The following DENND5B variants were observed in gnomAD, a reference collection of about 807,000 sequenced individuals.
DENND5B encodes DENN domain-containing protein 5B.
DENND5B carries 34 observed loss-of-function variants against 140.6 expected under a neutral mutation model. The observed-to-expected ratio is 0.24, with a 90% confidence interval of 0.18 to 0.32. The LOEUF (loss-of-function observed/expected upper bound fraction) is 0.32, where lower values mean the gene tolerates loss of function less well. Among genes scored for constraint, DENND5B ranks in the 10% least tolerant of loss-of-function variants. DENND5B has a pLI of 1.00. For synonymous variants in DENND5B, 551 were observed against 562.1 expected (o/e 0.98, Z 0.28); for missense variants, 1,142 against 1,560.2 (o/e 0.73, Z 4.52).
At chr12:31,404,422 C>T (rs1798057223) in intron 14 of DENND5B, among the ~76,000 whole-genome samples, 1 of 152,102 alleles carries the variant, frequency 6.6e-6, no homozygotes, top group African/African-American at 2.4e-5. Context: ...TCAGCCTCCC[C>T]AGCAGTTGGG....
At chr12:31,528,181 A>G (rs1057004188) in intron 1 of DENND5B, among the ~76,000 whole-genome samples, 1 of 152,252 alleles carries the variant, frequency 6.6e-6, no homozygotes, top group African/African-American at 2.4e-5. Flanking sequence ...TCTGAAATCA[A>G]GGTGTCAGCA....
chr12:31,428,746 T>C (rs976181069), intron 8 of DENND5B, among the ~76,000 whole-genome samples: 2 of 152,108 alleles, frequency 1.3e-5, no homozygotes, highest in African/African-American at 4.8e-5. Flanking sequence ...ATTTATTTAT[T>C]TTTGAGACGG....
chr12:31,400,401 C>G (rs771396602), intron 15 of DENND5B, among the ~76,000 whole-genome samples: 4 of 152,180 alleles, frequency 2.6e-5, no homozygotes, highest in Non-Finnish European at 5.9e-5. Context: ...GTTATCTTCA[C>G]TGGTCCTTTG....
At chr12:31,494,256 A>G (rs971811948) in intron 2 of DENND5B, among the ~76,000 whole-genome samples, 3 of 146,848 alleles carry the variant, frequency 2.0e-5, no homozygotes, top group African/African-American at 7.7e-5. Context: ...CTACCTACCT[A>G]TTTTGAGACA....
chr12:31,549,481 G>T (rs150939399), intron 1 of DENND5B, among the ~76,000 whole-genome samples: 4 of 147,022 alleles, frequency 2.7e-5, no homozygotes, highest in Middle Eastern at 3.5e-3. Context: ...TACTTTCTTG[G>T]GTCCTATGGG....
chr12:31,469,586 G>C (rs936063065), intron 3 of DENND5B, among the ~76,000 whole-genome samples: 1 of 152,132 alleles, frequency 6.6e-6, no homozygotes, highest in African/African-American at 2.4e-5. Context: ...GAGGGGTTGG[G>C]GGATGGTGTT....
chr12:31,528,535 C>T (rs73297856), intron 1 of DENND5B, among the ~76,000 whole-genome samples: 17,017 of 151,904 alleles, frequency 0.11, 1,130 homozygotes, highest in East Asian at 0.25. Context: ...GGTGTAGCAG[C>T]GGAGATAGTG....
intron 1 of DENND5B, among the ~76,000 whole-genome samples, chr12:31,570,524 G>A (rs1479554063): frequency 1.9e-4 from 29 of 149,628 alleles, no homozygotes; most frequent in African/African-American, 7.2e-4. Flanking sequence ...TGATCCACCC[G>A]CCTCGGCCTC....
chr12:31,411,942 G>C (rs1942482336), intron 13 of DENND5B, among the ~76,000 whole-genome samples: 1 of 152,078 alleles, frequency 6.6e-6, no homozygotes, highest in South Asian at 2.1e-4. Context: ...GTAAATATAA[G>C]GGCAATATAT....
chr12:31,396,450 A>G (rs1045588829), intron 17 of DENND5B: 1 of 152,194 alleles, frequency 6.6e-6, no homozygotes, highest in African/African-American at 2.4e-5. Context: ...GATTATTAGC[A>G]TGGCCCCTGC....
chr12:31,397,039 G>T (rs1032538542), intron 17 of DENND5B, among the ~76,000 whole-genome samples: 4 of 152,060 alleles, frequency 2.6e-5, no homozygotes, highest in East Asian at 1.9e-4. Flanking sequence ...TTATATTTTT[G>T]GGAGACATTA....
At chr12:31,443,815 T>C (rs1390708879) in intron 6 of DENND5B, 2 of 152,318 alleles carry the variant, frequency 1.3e-5, no homozygotes, top group East Asian at 3.9e-4. Context: ...GGAGTGTTTA[T>C]TAGATCAAGA....
At chr12:31,490,817 C>T (rs1946495807) in intron 2 of DENND5B, among the ~76,000 whole-genome samples, 1 of 152,132 alleles carries the variant, frequency 6.6e-6, no homozygotes, top group South Asian at 2.1e-4. Flanking sequence ...CTTCAGCCAA[C>T]CTTTCACCGT....
intron 8 of DENND5B, among the ~76,000 whole-genome samples, chr12:31,427,597 C>T (rs1943306193): frequency 8.4e-6 from 1 of 119,564 alleles, no homozygotes; most frequent in Non-Finnish European, 1.9e-5. Flanking sequence ...CTGAGCAAGA[C>T]TCCATCTCAA....
rs1295692157 is a variant in DENND5B, at chr12:31,435,937, C to T, written c.2013-2689G>A. ...TCGGCCTCCCAAGTAGGTGGGATTACAGGTGCAAGCCACCAATGCTCAGCT... is the reference window on the plus strand; with the variant it reads ...TCGGCCTCCCAAGTAGGTGGGATTATAGGTGCAAGCCACCAATGCTCAGCT... On this transcript the variant is annotated intron_variant, in intron 7 of 20. Transcript: ENST00000389082. 3.9e-5 allele frequency among the ~76,000 whole-genome samples: 6 copies of T among 152,066 alleles called. No homozygotes were observed. In the East Asian group the frequency reaches 1.2e-3, roughly 29 times the overall value.
rs780751433 is a variant in DENND5B at position 31,590,786 on chromosome 12, G to A, written c.47C>T (p.Pro16Leu). 2.2e-6 allele frequency: 3 copies of A among 1,370,928 alleles called. No homozygotes were observed. Among genetic ancestry groups the A allele is most frequent in the Non-Finnish European group, 2.8e-6 (3 of 1,060,426 alleles). 84.9% of individuals were successfully genotyped at this position (1,370,928 alleles called of 1,614,324 possible). A position where few individuals can be genotyped will look rare whatever the true frequency, so the allele number is the denominator to read the frequency against. ...AAPGPGSGSS[P>L]AACRFAHYFV... ...GTAGTGCGCGAAGCGGCAGGCGGCCGGGGAGGAGCCCGAGCCCGGGCCGGG... is the reference window on the plus strand; with the variant it reads ...GTAGTGCGCGAAGCGGCAGGCGGCCAGGGAGGAGCCCGAGCCCGGGCCGGG... Residue 16 changes from proline to leucine, a missense_variant, in exon 1 of 21, where the codon CCG becomes CTG. This residue lies in a region of DENND5B where 708 missense variants were observed against 905.5 expected (regional missense o/e 0.78). Coordinates refer to ENST00000389082, the MANE Select transcript of DENND5B (RefSeq NM_144973.4).
intron 1 of DENND5B, among the ~76,000 whole-genome samples, chr12:31,524,044 T>C (rs953542172): frequency 8.1e-5 from 12 of 148,610 alleles, no homozygotes; most frequent in Non-Finnish European, 1.6e-4. Context: ...CTGAGCCCTT[T>C]TTTTTTTTTT....
chr12:31,392,604 C>A lies in DENND5B; in HGVS notation c.3339+10G>T. On this transcript the variant is annotated intron_variant, in intron 18 of 20. Coordinates refer to ENST00000389082, the MANE Select transcript of DENND5B (RefSeq NM_144973.4). Reference sequence around the variant, plus strand: ...GTCCCACTATACTAAGTTTTATAGCCCATAAATACCTCTTTTTCAGGTTTA... The same window carrying A: ...GTCCCACTATACTAAGTTTTATAGCACATAAATACCTCTTTTTCAGGTTTA... The A allele has an allele frequency of 6.4e-7, 1 of 1,553,698 alleles. No homozygotes were observed.
intron 1 of DENND5B, among the ~76,000 whole-genome samples, chr12:31,573,967 TA>T (rs544048362): frequency 0.029 from 3,797 of 131,086 alleles, 54 homozygotes; most frequent in South Asian, 0.06. Context: ...CTTTATCTCT[TA>T]AAAAAAAAAA....
Sources: allele counts gnomAD v4.1 joint callset (sites outside exome capture counted in the v4.1 genomes callset), GRCh38; gene constraint gnomAD v4.1.1; regional missense constraint gnomAD v4.1.1; transcripts MANE v1.5; gene names NCBI Gene and HGNC (gene_info 2026-07-23, HGNC 2026-07-21).